The following ZNF814 variants were observed in gnomAD, a reference collection of about 807,000 sequenced individuals.
ZNF814 encodes zinc finger protein 814.
ZNF814 carries 5 observed loss-of-function variants against 7.5 expected under a neutral mutation model. That is an observed-to-expected ratio of 0.67 (90% confidence interval 0.35 to 1.40). The LOEUF (loss-of-function observed/expected upper bound fraction) is 1.40. Among genes scored for constraint, ZNF814 ranks in the 40% most tolerant of loss-of-function variants. ZNF814 has a pLI of 0.04. For missense variants in ZNF814, 962 were observed against 1,018.0 expected, an observed-to-expected ratio of 0.94 and a Z score of 0.75; for synonymous variants, 315 against 340.7, an observed-to-expected ratio of 0.92 and a Z score of 0.83.
In ZNF814 at chr19:57,874,820, G is replaced by C. The variant is rs1656023269; in HGVS notation, c.570C>G (p.Ala190=). The C allele has an allele frequency of 6.2e-7, 1 of 1,613,944 alleles. No homozygotes were observed. Among genetic ancestry groups the C allele is most frequent in the Admixed American group, 1.7e-5 (1 of 59,972 alleles). Residue 190 remains alanine, a synonymous_variant, in exon 3 of 3, where the codon GCC becomes GCG. Transcript: ENST00000435989. ...LPRSGLLQQE[A]SHTGEKSNSK... is the part of the protein sequence containing the mutation. The stretch of plus-strand genomic sequence containing the variant: ...TGTTTGACTTCTCCCCAGTGTGACT[G>C]GCCTCCTGCTGGAGTAATCCTGACC...
rs1026214178 is a variant in ZNF814, at chr19:57,888,886, G to A, written c.-84C>T. 6.8e-6 allele frequency: 10 copies of A among 1,479,616 alleles called. No individual in the cohort carries two copies. Among genetic ancestry groups the A allele is most frequent in the East Asian group, 2.5e-5 (1 of 40,382 alleles). 91.7% of individuals were successfully genotyped at this position (1,479,616 alleles called of 1,614,324 possible). On this transcript the variant is annotated 5_prime_UTR_variant, in exon 1 of 3. Coordinates refer to ENST00000435989, the MANE Select transcript of ZNF814 (RefSeq NM_001144989.2). Reference sequence around the variant, plus strand: ...GCACGACGGTCCGTATCCTGGCCCAGGAGTGGGTCACGCTGGGCGCCGTCA... The same window carrying A: ...GCACGACGGTCCGTATCCTGGCCCAAGAGTGGGTCACGCTGGGCGCCGTCA...
rs150072972 is a variant in ZNF814 at position 57,877,611 on chromosome 19, T to A, written c.37-569A>T. ...GCATGTACCACCACACCTGGCTAAT[T>A]TTTGTATTTTTAGTAGTGATAGGAT... On this transcript the variant is annotated intron_variant, in intron 1 of 2. Transcript: ENST00000435989. 3.5e-3 allele frequency among the ~76,000 whole-genome samples: 529 copies of A among 152,100 alleles called. 1 individual carries two copies. Among genetic ancestry groups the A allele is most frequent in the Non-Finnish European group, 5.9e-3 (401 of 67,972 alleles).
the ZNF814 span, chr19:57,901,663 G>C: frequency 5.1e-6 from 2 of 394,726 alleles, no homozygotes; most frequent in Non-Finnish European, 8.9e-6. Flanking sequence ...TCACCAGGCA[G>C]ACCCTCCAAC....
the ZNF814 span, chr19:57,901,537 T>C: frequency 2.5e-6 from 1 of 398,104 alleles, no homozygotes; most frequent in Non-Finnish European, 4.4e-6. Context: ...ACCAAACATC[T>C]GAAGGTCTAT....
chr19:57,878,993 C>T (rs1292901479), intron 1 of ZNF814, among the ~76,000 whole-genome samples: 3 of 152,078 alleles, frequency 2.0e-5, no homozygotes, highest in South Asian at 4.2e-4. Context: ...GGGAAAGAAA[C>T]TTGCACTCAG....
chr19:57,901,732 A>T, the ZNF814 span: 1 of 398,678 alleles, frequency 2.5e-6, no homozygotes, highest in Admixed American at 4.4e-5. Flanking sequence ...GCACAGAACA[A>T]ATCAAAAACA....
intron 1 of ZNF814, among the ~76,000 whole-genome samples, chr19:57,885,643 A>C (rs1327393462): frequency 1.4e-5 from 2 of 144,398 alleles, no homozygotes; most frequent in Non-Finnish European, 3.1e-5. Flanking sequence ...AAAAAAAAAA[A>C]CAAAAAACAA....
At position 57,879,912 on chromosome 19, in the gene ZNF814, TG is replaced by T. The variant is rs2071638256; in HGVS notation, c.37-2871del. 4.1e-5 allele frequency among the ~76,000 whole-genome samples: 5 copies of T among 120,852 alleles called. No homozygotes were observed. In the South Asian group the frequency reaches 1.2e-3, roughly 30 times the overall value. The allele number at this position is 120,852 out of a possible 152,430, so 79.3% of individuals were successfully genotyped here. On this transcript the variant is annotated intron_variant, in intron 1 of 2. Transcript: ENST00000435989. Reference sequence around the variant, plus strand: ...TTCAAGACCAGCCTGACCAATACGGTGAAAAACTCTGTCTCTACTAAAATTA... The same window carrying T: ...TTCAAGACCAGCCTGACCAATACGGTAAAAACTCTGTCTCTACTAAAATTA...
At position 57,888,914 on chromosome 19, in the gene ZNF814, G is replaced by C. The variant is rs1263390040; in HGVS notation, c.-112C>G. On this transcript the variant is annotated 5_prime_UTR_variant, in exon 1 of 3. Transcript: ENST00000435989. ...GTGGGTCACGCTGGGCGCCGTCACA[G>C]AGCTCCAGAGTAGCCTCTGTGCAGC... The C allele has an allele frequency of 6.9e-5, 83 of 1,200,212 alleles. No homozygotes were observed. The highest frequency in any genetic ancestry group is 9.8e-5 in the Non-Finnish European group (82 of 836,852). The allele number at this position is 1,200,212 out of a possible 1,614,324, so 74.3% of individuals were successfully genotyped here. A position where few individuals can be genotyped will look rare whatever the true frequency, so the allele number is the denominator to read the frequency against.
upstream of ZNF814, among the ~76,000 whole-genome samples, chr19:57,892,447 C>T (rs2071739086): frequency 6.6e-6 from 1 of 152,178 alleles, no homozygotes; most frequent in Non-Finnish European, 1.5e-5. Context: ...GTTCAATGCC[C>T]AAATTAGGAA....
chr19:57,875,656 A>G (rs562333215), intron 2 of ZNF814, among the ~76,000 whole-genome samples: 1 of 152,330 alleles, frequency 6.6e-6, no homozygotes, highest in South Asian at 2.1e-4. Context: ...TGGAGAGAAC[A>G]CTGTAGATGG....
intron 1 of ZNF814, among the ~76,000 whole-genome samples, chr19:57,877,827 T>A (rs2071618278): frequency 6.6e-6 from 1 of 152,098 alleles, no homozygotes; most frequent in Non-Finnish European, 1.5e-5. Context: ...GTAAAACAAA[T>A]TACATCTGAT....
chr19:57,886,407 A>C (rs2071694040), intron 1 of ZNF814, among the ~76,000 whole-genome samples: 1 of 152,070 alleles, frequency 6.6e-6, no homozygotes, highest in Non-Finnish European at 1.5e-5. Context: ...GGTGCTCATC[A>C]CTTCTCTCCA....
In ZNF814 at chr19:57,874,189, C is replaced by T. The variant is rs1392551779; in HGVS notation, c.1201G>A (p.Val401Ile). The change falls in exon 3 of 3, where the codon GTT becomes ATT. Residue 401 changes from valine to isoleucine, a missense_variant. By Grantham distance (29) the Val-to-Ile change is conservative. Around this residue, in one of 7 missense-constraint regions of ZNF814, gnomAD observed 665 missense variants for 551.4 expected, o/e 1.21. Coordinates refer to ENST00000435989, the MANE Select transcript of ZNF814 (RefSeq NM_001144989.2). ...TCATAATGTTTTTTGTCAGTGTGAA[C>T]TCTCTGATGATTACTGAAGCTAGCA... ...KYASFSNHQR[V>I]HTDKKHYECG... 1.3e-6 allele frequency: 2 copies of T among 1,580,480 alleles called. No individual in the cohort carries two copies. The highest frequency in any genetic ancestry group is 2.3e-5 in the East Asian group (1 of 42,724).
rs190903410 is a variant in ZNF814 at position 57,874,762 on chromosome 19, C to T, written c.628G>A (p.Gly210Arg). ...TCTCCACAGCTGTAGTGAGCTCCCC[C>T]ACACTGAATGGGAGACACACACTCA... is the stretch of plus-strand genomic sequence containing the variant. ...KTECVSPIQC[G>R]GAHYSCGESM... The change falls in exon 3 of 3, where the codon GGG becomes AGG. Residue 210 changes from glycine (G) to arginine (R), a missense_variant. By Grantham distance (125) the Gly-to-Arg change is moderately radical. This residue lies in a region of ZNF814 where 126 missense variants were observed against 123.5 expected (regional missense o/e 1.02). Transcript: ENST00000435989. 1.2e-6 allele frequency: 2 copies of T among 1,613,792 alleles called. No homozygotes were observed. Among genetic ancestry groups the T allele is most frequent in the South Asian group, 2.2e-5 (2 of 91,050 alleles).
chr19:57,898,665 C>A, the ZNF814 span, among the ~76,000 whole-genome samples: 14 of 152,170 alleles, frequency 9.2e-5, no homozygotes, highest in Admixed American at 2.0e-4. Flanking sequence ...AAAAATCAGA[C>A]GGACGCGGTG....
Position 57,876,949 on chromosome 19 carries a change from T to C in ZNF814, c.130A>G (p.Thr44Ala). Residue 44 changes from threonine (T) to alanine (A), a missense_variant, in exon 2 of 3, where the codon ACG becomes GCG. By Grantham distance (58) the Thr-to-Ala change is moderately conservative (BLOSUM62 0). This residue lies in a region of ZNF814 where 63 missense variants were observed against 65.0 expected (regional missense o/e 0.97). Transcript: ENST00000435989. Reference sequence around the variant, plus strand: ...GATATAAGTGCCAGGTTCTCCAGCGTCACATCACGGTACAGGCATCTCTGA... The same window carrying C: ...GATATAAGTGCCAGGTTCTCCAGCGCCACATCACGGTACAGGCATCTCTGA... ...EAQRCLYRDV[T>A]LENLALISSL... 1 of 1,614,134 alleles carries C rather than the reference T, an allele frequency of 6.2e-7. No individual in the cohort carries two copies. The highest frequency in any genetic ancestry group is 8.5e-7 in the Non-Finnish European group (1 of 1,179,996).
chr19:57,901,591 C>T, the ZNF814 span: 3 of 398,592 alleles, frequency 7.5e-6, no homozygotes. Context: ...AGAGCCAGAA[C>T]TCCCTATACG....
rs2071546521 is a variant in ZNF814, at chr19:57,870,278, T to C, written c.*2544A>G. On this transcript the variant is annotated 3_prime_UTR_variant, in exon 3 of 3. Transcript: ENST00000435989. ...AATAATAATAATTAAAAAAATGCAG[T>C]TCAAAAGAAAAATATAGATTTACCA... 6.6e-6 allele frequency: 1 copy of C among 152,080 alleles called. No individual in the cohort carries two copies. The highest frequency in any genetic ancestry group is 2.1e-4 in the South Asian group (1 of 4,820). 9.4% of individuals were successfully genotyped at this position (152,080 alleles called of 1,614,324 possible). A position where few individuals can be genotyped will look rare whatever the true frequency, so the allele number is the denominator to read the frequency against.
Sources: gnomAD v4.1 joint callset for allele counts (sites outside exome capture counted in the v4.1 genomes callset) on GRCh38, gnomAD v4.1.1 for gene constraint, gnomAD v4.1.1 regional missense constraint, MANE v1.5 for transcripts, NCBI Gene and HGNC (gene_info 2026-07-23, HGNC 2026-07-21) for gene names.